SUB1: variants seen among roughly 807,000 people sequenced by gnomAD.
The protein encoded by SUB1 is activated RNA polymerase II transcriptional coactivator p15.
SUB1 carries 1 observed loss-of-function variant against 16.9 expected under a neutral mutation model. That is an observed-to-expected ratio of 0.06 (90% confidence interval 0.02 to 0.28). The LOEUF (loss-of-function observed/expected upper bound fraction) is 0.28, where lower values mean the gene tolerates loss of function less well. SUB1 is among the 10% of genes least tolerant of loss of function. The pLI is 1.00. For synonymous variants in SUB1, 51 were observed against 46.9 expected (o/e 1.09, Z -0.36); for missense variants, 84 against 145.2 (o/e 0.58, Z 2.16).
intron 1 of SUB1, 176 bp downstream of exon 1, chr5:32,585,801 C>G (rs1190048337): frequency 6.6e-6 from 1 of 152,350 alleles, no homozygotes; most frequent in Non-Finnish European, 1.5e-5. Flanking sequence ...TTTCTGACTC[C>G]ACGCCTGACG....
At chr5:32,591,822 C>T in intron 3 of SUB1, 137 bp downstream of exon 3, 3 of 1,044,628 alleles carry the variant, frequency 2.9e-6, no homozygotes, top group Non-Finnish European at 3.8e-6. Flanking sequence ...GCCTCAGCCT[C>T]CCGAGTAGCT....
intron 3 of SUB1, among the ~76,000 whole-genome samples, chr5:32,593,505 G>C (rs1449195373): frequency 6.6e-6 from 1 of 152,066 alleles, no homozygotes; most frequent in East Asian, 1.9e-4. Flanking sequence ...ATTTAGTTCA[G>C]AACACACATT....
chr5:32,587,153 A>G (rs911893202), intron 1 of SUB1, among the ~76,000 whole-genome samples: 2 of 152,242 alleles, frequency 1.3e-5, no homozygotes, highest in Non-Finnish European at 2.9e-5. Flanking sequence ...TTTATGTGCT[A>G]CTGCTCAAGA....
chr5:32,588,196 C>T (rs1738723218), intron 1 of SUB1, among the ~76,000 whole-genome samples: 2 of 152,158 alleles, frequency 1.3e-5, no homozygotes, highest in South Asian at 4.1e-4. Flanking sequence ...TTGCAGTTTA[C>T]CCTACCCATA....
At chr5:32,592,723 T>A (rs1450670183) in intron 3 of SUB1, among the ~76,000 whole-genome samples, 2 of 150,690 alleles carry the variant, frequency 1.3e-5, no homozygotes, top group African/African-American at 4.9e-5. Context: ...AAAAAAAAAA[T>A]GGTGTTGCTT....
At chr5:32,587,974 A>G (rs966396021) in intron 1 of SUB1, among the ~76,000 whole-genome samples, 1 of 152,194 alleles carries the variant, frequency 6.6e-6, no homozygotes, top group Non-Finnish European at 1.5e-5. Context: ...ATACGGCCAA[A>G]AAGTCAAAAT....
chr5:32,595,787 G>C (rs1341726363), intron 3 of SUB1: 1 of 152,164 alleles, frequency 6.6e-6, no homozygotes, highest in Non-Finnish European at 1.5e-5. Context: ...GGAGATTCCA[G>C]TTGCTCCACA....
At chr5:32,593,339 G>GC in intron 3 of SUB1, among the ~76,000 whole-genome samples, 1 of 152,224 alleles carries the variant, frequency 6.6e-6, no homozygotes, top group East Asian at 1.9e-4. Flanking sequence ...AGAAAGTAAG[G>GC]CTAACACATG....
In SUB1 at chr5:32,591,574, A is replaced by G; in HGVS notation, c.84A>G (p.Lys28=). Reference sequence around the variant, plus strand: ...ATATTCTTTTCTAGTTAAAGAGGAAAAAGCAAGTTGCTCCAGAAAAACCTG... The same window carrying G: ...ATATTCTTTTCTAGTTAAAGAGGAAGAAGCAAGTTGCTCCAGAAAAACCTG... ...DSEVDKKLKR[K]KQVAPEKPVK... The change falls in exon 3 of 5, where the codon AAA becomes AAG. Residue 28 remains lysine (K), a synonymous_variant. Transcript: ENST00000265073. 1 of 1,597,880 alleles carries G rather than the reference A, an allele frequency of 6.3e-7. No individual in the cohort carries two copies.
chr5:32,593,794 A>G (rs1049542695), intron 3 of SUB1, among the ~76,000 whole-genome samples: 12 of 152,094 alleles, frequency 7.9e-5, no homozygotes, highest in African/African-American at 2.9e-4. Context: ...CCTGGGTTCA[A>G]GAGATTCTCC....
Position 32,588,364 on chromosome 5 carries a change from T to A in SUB1, c.-1-148T>A, listed in dbSNP as rs1042318817. The A allele has an allele frequency of 6.1e-6, 4 of 652,810 alleles. No individual in the cohort carries two copies. In the African/African-American group the frequency reaches 7.3e-5, roughly 12 times the overall value. 40.4% of individuals were successfully genotyped at this position (652,810 alleles called of 1,614,324 possible). On this transcript the variant is annotated intron_variant, in intron 1 of 4. Coordinates refer to ENST00000265073, the MANE Select transcript of SUB1 (RefSeq NM_006713.4). ...AACTTAAAAGGGTATAGATTAAAAC[T>A]TGTGCTCAGTGTAACAACTCAGTAC...
intron 1 of SUB1, chr5:32,586,475 C>G (rs892439143): frequency 1.3e-5 from 2 of 152,200 alleles, no homozygotes; most frequent in Non-Finnish European, 2.9e-5. Flanking sequence ...TCTCCCCCCA[C>G]CCCCACATTG....
intron 4 of SUB1, among the ~76,000 whole-genome samples, chr5:32,599,607 A>G (rs368294501): frequency 1.3e-3 from 202 of 152,306 alleles, no homozygotes; most frequent in African/African-American, 4.5e-3. Context: ...TTGCTGCTCT[A>G]GGTTGACCCT....
In SUB1 at chr5:32,591,670, T is replaced by C; in HGVS notation, c.180T>C (p.Asp60=). The C allele has an allele frequency of 6.4e-7, 1 of 1,573,228 alleles. No individual in the cohort carries two copies. The highest frequency in any genetic ancestry group is 8.6e-7 in the Non-Finnish European group (1 of 1,165,234). ...SSSKQSSSSR[D]DNMFQIGKMR... ...CTAAACAGAGCAGCAGCAGCAGAGA[T>C]GATAACATGTTTCAGGTAAAGTTGG... Residue 60 remains aspartate, a synonymous_variant, in exon 3 of 5, where the codon GAT becomes GAC. Coordinates refer to ENST00000265073, the MANE Select transcript of SUB1 (RefSeq NM_006713.4).
chr5:32,586,394 T>A (rs1738669857), intron 1 of SUB1: 1 of 152,402 alleles, frequency 6.6e-6, no homozygotes, highest in East Asian at 1.9e-4. Flanking sequence ...TCGTTTCTCT[T>A]TTTAAAGTTG....
Position 32,591,606 on chromosome 5 carries a change from A to C in SUB1, c.116A>C (p.Lys39Thr). 1 of 1,610,368 alleles carries C rather than the reference A, an allele frequency of 6.2e-7. No individual in the cohort carries two copies. Among genetic ancestry groups the C allele is most frequent in the South Asian group, 1.1e-5 (1 of 90,084 alleles). ...GTTGCTCCAGAAAAACCTGTAAAGAAACAAAAGACAGGTGAGACTTCGAGA... is the reference window on the plus strand; with the variant it reads ...GTTGCTCCAGAAAAACCTGTAAAGACACAAAAGACAGGTGAGACTTCGAGA... ...KQVAPEKPVKKQKTGETSRAL... is the reference protein window; with the variant it reads ...KQVAPEKPVKTQKTGETSRAL... The change falls in exon 3 of 5, where the codon AAA becomes ACA. Residue 39 changes from lysine (K) to threonine (T), a missense_variant. Lys to Thr is a moderately conservative substitution (Grantham distance 78). This residue lies in a region of SUB1 where 60 missense variants were observed against 64.9 expected (regional missense o/e 0.92). Transcript: ENST00000265073.
chr5:32,602,090 T>C lies in SUB1; in HGVS notation c.*1006T>C. 2.8e-6 allele frequency: 1 copy of C among 359,048 alleles called. No individual in the cohort carries two copies. The highest frequency in any genetic ancestry group is 5.5e-6 in the Non-Finnish European group (1 of 181,338). The allele number at this position is 359,048 out of a possible 1,614,324, so 22.2% of individuals were successfully genotyped here. ...GAGCATATGAGCACATGCTTGTGTA[T>C]TTTGGCCTTTGCCCCAGTAGAACAG... On this transcript the variant is annotated 3_prime_UTR_variant, in exon 5 of 5. Transcript: ENST00000265073.
At chr5:32,592,515 AG>A (rs1258383228) in intron 3 of SUB1, among the ~76,000 whole-genome samples, 1 of 152,190 alleles carries the variant, frequency 6.6e-6, no homozygotes, top group Non-Finnish European at 1.5e-5. Flanking sequence ...TTTGTGAGGA[AG>A]GGATGTTGGG....
intron 3 of SUB1, chr5:32,594,741 C>T (rs1418487016): frequency 1.1e-5 from 3 of 269,252 alleles, no homozygotes; most frequent in African/African-American, 4.5e-5. Flanking sequence ...CTAGGTTGTG[C>T]GTTCCTTATT....
Sources: gnomAD v4.1 joint callset for allele counts (sites outside exome capture counted in the v4.1 genomes callset) on GRCh38, gnomAD v4.1.1 for gene constraint, gnomAD v4.1.1 regional missense constraint, MANE v1.5 for transcripts, NCBI Gene and HGNC (gene_info 2026-07-23, HGNC 2026-07-21) for gene names.